AGPS: variants seen among roughly 807,000 people sequenced by gnomAD.
AGPS encodes the protein alkyldihydroxyacetonephosphate synthase, peroxisomal.
In AGPS, 26 loss-of-function variants were observed where a neutral mutation model predicts 90.7. That is an observed-to-expected ratio of 0.29 (90% confidence interval 0.21 to 0.40). The LOEUF (loss-of-function observed/expected upper bound fraction) is 0.40. Among genes scored for constraint, AGPS ranks in the 10% least tolerant of loss-of-function variants. The probability of loss-of-function intolerance (pLI) is 1.00; values close to 1 mark genes in which losing one functional copy is unlikely to be tolerated. For synonymous variants in AGPS, 294 were observed against 285.3 expected, an observed-to-expected ratio of 1.03 and a Z score of -0.31; for missense variants, 540 against 816.1, an observed-to-expected ratio of 0.66 and a Z score of 4.12.
chr2:177,527,798 A>G (rs1024634587), intron 19 of AGPS, among the ~76,000 whole-genome samples: 7 of 152,184 alleles, frequency 4.6e-5, no homozygotes, highest in African/African-American at 1.7e-4. Context: ...GAATCTAGCA[A>G]CGTTTGATGG....
At chr2:177,525,206 A>G (rs567771339) in intron 19 of AGPS, among the ~76,000 whole-genome samples, 2 of 152,310 alleles carry the variant, frequency 1.3e-5, no homozygotes, top group Non-Finnish European at 2.9e-5. Context: ...GGAAATTTGA[A>G]TGAGGAGTTA....
Position 177,542,224 on chromosome 2 carries a change from A to C in AGPS, c.*4029A>C, listed in dbSNP as rs2079243293. ...TCAAGTGCAACCTACTTGTGACTAA[A>C]TCTCTTTGGATTTATAGCTGAGGAT... On this transcript the variant is annotated 3_prime_UTR_variant, in exon 20 of 20. Transcript: ENST00000264167. 3 of 152,102 alleles carry C rather than the reference A, an allele frequency of 2.0e-5. No individual in the cohort carries two copies. 9.4% of individuals were successfully genotyped at this position (152,102 alleles called of 1,614,324 possible). A position where few individuals can be genotyped will look rare whatever the true frequency, so the allele number is the denominator to read the frequency against.
intron 8 of AGPS, among the ~76,000 whole-genome samples, chr2:177,457,438 C>T (rs9679607): frequency 0.71 from 107,746 of 151,864 alleles, 38,548 homozygotes; most frequent in Admixed American, 0.78. Flanking sequence ...GACCGCTAGC[C>T]GACTAATAAA....
chr2:177,395,149 T>C (rs996349955), intron 1 of AGPS, among the ~76,000 whole-genome samples: 2 of 152,226 alleles, frequency 1.3e-5, no homozygotes, highest in African/African-American at 2.4e-5. Context: ...ATATATGTGA[T>C]TGTACATTTT....
chr2:177,396,393 G>A (rs1407362369), intron 1 of AGPS, among the ~76,000 whole-genome samples: 1 of 152,150 alleles, frequency 6.6e-6, no homozygotes, highest in Non-Finnish European at 1.5e-5. Flanking sequence ...TTATATTCTA[G>A]CTGGAGTGGA....
chr2:177,526,144 CAAAT>C (rs1299432239), intron 19 of AGPS, among the ~76,000 whole-genome samples: 1 of 149,666 alleles, frequency 6.7e-6, no homozygotes, highest in Non-Finnish European at 1.5e-5. Flanking sequence ...AGTTAATTAA[CAAAT>C]AGTTAGAAAA....
At chr2:177,440,383 T>C (rs765808116) in intron 5 of AGPS, among the ~76,000 whole-genome samples, 1 of 152,106 alleles carries the variant, frequency 6.6e-6, no homozygotes, top group Non-Finnish European at 1.5e-5. Flanking sequence ...CAACATCACT[T>C]CTGTGGAATT....
chr2:177,531,125 GAAACTACTCAAAGA>G (rs2079133523), intron 19 of AGPS, among the ~76,000 whole-genome samples: 1 of 151,908 alleles, frequency 6.6e-6, no homozygotes, highest in Non-Finnish European at 1.5e-5. Context: ...AAAGTAAAAG[GAAACTACTCAAAGA>G]AGCTGAACAA....
chr2:177,422,910 T>TGGCTGA (rs1247665811), intron 2 of AGPS, among the ~76,000 whole-genome samples: 3 of 16,914 alleles, frequency 1.8e-4, no homozygotes, highest in Non-Finnish European at 3.7e-4. Context: ...ATTGAGTATC[T>TGGCTGA]ACTGAGTTAC....
At chr2:177,534,202 TG>T (rs2105743915) in intron 19 of AGPS, among the ~76,000 whole-genome samples, 1 of 152,346 alleles carries the variant, frequency 6.6e-6, no homozygotes, top group South Asian at 2.1e-4. Context: ...AGATAATTTT[TG>T]GTGGCCAGAT....
chr2:177,478,431 A>G (rs1687844458), intron 10 of AGPS, among the ~76,000 whole-genome samples: 1 of 152,162 alleles, frequency 6.6e-6, no homozygotes, highest in Non-Finnish European at 1.5e-5. Flanking sequence ...CTTTCTTTGA[A>G]TAATTTTTTC....
intron 8 of AGPS, 87 bp downstream of exon 8, chr2:177,445,713 C>T: frequency 2.3e-6 from 2 of 883,100 alleles, no homozygotes; most frequent in South Asian, 1.8e-5. Context: ...GTTTTCAAAA[C>T]TGTATCCCCT....
chr2:177,408,074 G>T (rs1478017581), intron 1 of AGPS, among the ~76,000 whole-genome samples: 1 of 152,122 alleles, frequency 6.6e-6, no homozygotes, highest in Non-Finnish European at 1.5e-5. Flanking sequence ...AAGCCACTGT[G>T]CCTGGCGAGA....
rs886055179 is a variant in AGPS, at chr2:177,540,053, A to ATATATATATATG, written c.*1859_*1860insATATATATATGT. ...GAAGTATATATATATATATATATAT[A>ATATATATATATG]TGTATGCATGTGTGTGTGTGTATAT... On this transcript the variant is annotated 3_prime_UTR_variant, in exon 20 of 20. Coordinates refer to ENST00000264167, the MANE Select transcript of AGPS (RefSeq NM_003659.4). The ATATATATATATG allele has an allele frequency of 4.0e-5, 4 of 99,032 alleles. No homozygotes were observed. The highest frequency in any genetic ancestry group is 1.3e-4 in the African/African-American group (4 of 30,610). 6.1% of individuals were successfully genotyped at this position (99,032 alleles called of 1,614,324 possible). A position where few individuals can be genotyped will look rare whatever the true frequency, so the allele number is the denominator to read the frequency against.
chr2:177,465,289 AT>A lies in AGPS; in HGVS notation c.997-3117del, dbSNP rs143756982. Among the ~76,000 whole-genome samples the A allele has an allele frequency of 4.2e-3, 622 of 149,584 alleles. 5 individuals are homozygous for A. The highest frequency in any genetic ancestry group is 0.033 in the East Asian group (167 of 5,092). ...AGCCTGGGTGACAAAGCAAGATCCT[AT>A]TTTTTTTTTAAGTGTCCTGTGTATA... On this transcript the variant is annotated intron_variant, in intron 9 of 19. Transcript: ENST00000264167.
At position 177,468,537 on chromosome 2, in the gene AGPS, G is replaced by A. The variant is rs1364865557; in HGVS notation, c.1105+13G>A. 3 of 1,564,690 alleles carry A rather than the reference G, an allele frequency of 1.9e-6. No individual in the cohort carries two copies. Among genetic ancestry groups the A allele is most frequent in the South Asian group, 2.2e-5 (2 of 89,956 alleles). ...ATGGGATCTGAAGGTAAATATAACTGTAAATTTATTAAGAAAAAATACAGG... is the reference window on the plus strand; with the variant it reads ...ATGGGATCTGAAGGTAAATATAACTATAAATTTATTAAGAAAAAATACAGG... On this transcript the variant is annotated intron_variant, in intron 10 of 19. Coordinates refer to ENST00000264167, the MANE Select transcript of AGPS (RefSeq NM_003659.4).
chr2:177,480,788 A>G (rs1203867711), intron 10 of AGPS, among the ~76,000 whole-genome samples: 1 of 151,962 alleles, frequency 6.6e-6, no homozygotes, highest in Non-Finnish European at 1.5e-5. Context: ...TGTATTTTAC[A>G]CTTTAAATGG....
At chr2:177,414,315 T>C (rs1685723177) in intron 1 of AGPS, among the ~76,000 whole-genome samples, 1 of 152,110 alleles carries the variant, frequency 6.6e-6, no homozygotes, top group African/African-American at 2.4e-5. Context: ...CAAGGGATCC[T>C]TCTGCCTTGG....
At chr2:177,454,181 TC>T (rs1479035130) in intron 8 of AGPS, among the ~76,000 whole-genome samples, 2 of 151,606 alleles carry the variant, frequency 1.3e-5, no homozygotes. Context: ...TAAACCCCCC[TC>T]CCCGCTGACC....
Sources: gnomAD v4.1 joint callset for allele counts (sites outside exome capture counted in the v4.1 genomes callset) on GRCh38, gnomAD v4.1.1 for gene constraint, MANE v1.5 for transcripts, NCBI Gene and HGNC (gene_info 2026-07-23, HGNC 2026-07-21) for gene names.